The following SEM1 variants were observed in gnomAD, a reference collection of about 807,000 sequenced individuals.
The protein encoded by SEM1 is SEM1 26S proteasome subunit, also known as 26S proteasome complex subunit SEM1.
A neutral mutation model predicts 12.7 loss-of-function variants in SEM1; 3 were observed. That is an observed-to-expected ratio of 0.24 (90% confidence interval 0.11 to 0.61). SEM1 has a LOEUF of 0.61. SEM1 is among the 20% of genes least tolerant of loss of function. The pLI, the probability that SEM1 is intolerant of heterozygous loss-of-function variation, is 0.88. For synonymous variants in SEM1, 30 were observed against 27.8 expected (o/e 1.08, Z -0.25); for missense variants, 59 against 81.3 (o/e 0.73, Z 1.06).
chr7:96,547,259 A>T (rs893191542), intron 2 of SEM1, among the ~76,000 whole-genome samples: 5 of 152,150 alleles, frequency 3.3e-5, no homozygotes, highest in Admixed American at 2.6e-4. Context: ...GACATTTAGG[A>T]ATCTCTGTCA....
intron 2 of SEM1, among the ~76,000 whole-genome samples, chr7:96,586,153 A>C (rs1299440976): frequency 1.3e-5 from 2 of 152,094 alleles, no homozygotes; most frequent in African/African-American, 4.8e-5. Context: ...CTCAATTTTA[A>C]AAAGGAAGAA....
chr7:96,581,151 G>C (rs1806388334), intron 2 of SEM1, among the ~76,000 whole-genome samples: 1 of 152,116 alleles, frequency 6.6e-6, no homozygotes. Flanking sequence ...TTTTGTATAA[G>C]GTGTAAGGAA....
At chr7:96,609,853 G>A (rs1232619729) in intron 2 of SEM1, among the ~76,000 whole-genome samples, 2 of 152,134 alleles carry the variant, frequency 1.3e-5, no homozygotes, top group African/African-American at 2.4e-5. Context: ...GATGAGATGT[G>A]CAAGTATGAT....
upstream of SEM1, among the ~76,000 whole-genome samples, chr7:96,498,449 T>C (rs1195181995): frequency 6.6e-6 from 1 of 152,198 alleles, no homozygotes; most frequent in East Asian, 1.9e-4. Context: ...GATAGGTTTT[T>C]CTGAGAGTCT....
chr7:96,583,398 G>T (rs13235131), intron 2 of SEM1, among the ~76,000 whole-genome samples: 76,376 of 136,860 alleles, frequency 0.56, 23,259 homozygotes, highest in East Asian at 0.71. Context: ...CCAAGTATGT[G>T]GTCAATTTTG....
At chr7:96,490,454 T>G (rs1802961261) in intron 1 of SEM1, among the ~76,000 whole-genome samples, 2 of 152,292 alleles carry the variant, frequency 1.3e-5, no homozygotes, top group South Asian at 4.1e-4. Context: ...AACTTCCCAT[T>G]ATGAACTAGA....
At chr7:96,650,935 G>A (rs1206095254) in intron 2 of SEM1, among the ~76,000 whole-genome samples, 2 of 151,978 alleles carry the variant, frequency 1.3e-5, no homozygotes, top group African/African-American at 2.4e-5. Flanking sequence ...CCATCTGACT[G>A]TTGTCTTTGG....
chr7:96,612,169 A>G (rs990681328), intron 2 of SEM1, among the ~76,000 whole-genome samples: 2 of 152,226 alleles, frequency 1.3e-5, no homozygotes, highest in African/African-American at 2.4e-5. Context: ...GTAGCCTGTG[A>G]TGTAGACAGG....
At chr7:96,489,608 C>G (rs1410104175) in intron 1 of SEM1, among the ~76,000 whole-genome samples, 1 of 152,190 alleles carries the variant, frequency 6.6e-6, no homozygotes, top group Admixed American at 6.5e-5. Context: ...CAAATTACCT[C>G]AAACTGAGTG....
At chr7:96,654,539 C>T (rs1402746793) in intron 2 of SEM1, among the ~76,000 whole-genome samples, 1 of 152,138 alleles carries the variant, frequency 6.6e-6, no homozygotes, top group Non-Finnish European at 1.5e-5. Context: ...CAGCAGTGAG[C>T]CACAGCACCC....
chr7:96,685,628 T>C (rs1487226069), downstream of SEM1, among the ~76,000 whole-genome samples: 2 of 152,060 alleles, frequency 1.3e-5, no homozygotes, highest in Admixed American at 1.3e-4. Context: ...GGTGCTTTTC[T>C]TCATATATGA....
chr7:96,646,085 T>C (rs1405532372), intron 2 of SEM1: 2 of 394,290 alleles, frequency 5.1e-6, no homozygotes, highest in Non-Finnish European at 8.9e-6. Flanking sequence ...ACCTCTTTCC[T>C]AAGATGTACT....
At chr7:96,581,429 T>G (rs372250241) in intron 2 of SEM1, among the ~76,000 whole-genome samples, 45,209 of 149,104 alleles carry the variant, frequency 0.3, 6,880 homozygotes, top group Admixed American at 0.31. Flanking sequence ...TGTTCTTTTG[T>G]TTTAGGATTG....
chr7:96,708,706 G>C (rs914979610), intron 1 of SEM1, among the ~76,000 whole-genome samples: 1 of 152,184 alleles, frequency 6.6e-6, no homozygotes, highest in African/African-American at 2.4e-5. Flanking sequence ...AGGTTTCCCA[G>C]TTCCAGTTCT....
At chr7:96,630,299 C>A (rs953491321) in intron 2 of SEM1, among the ~76,000 whole-genome samples, 1 of 152,160 alleles carries the variant, frequency 6.6e-6, no homozygotes, top group Admixed American at 6.5e-5. Flanking sequence ...TAGAATTCTA[C>A]GTGGTATTCT....
chr7:96,541,762 AT>A (rs531945227), intron 2 of SEM1, among the ~76,000 whole-genome samples: 1 of 151,436 alleles, frequency 6.6e-6, no homozygotes, highest in Non-Finnish European at 1.5e-5. Context: ...TCTTGAGCTA[AT>A]TTTTTTATAT....
intron 1 of SEM1, among the ~76,000 whole-genome samples, chr7:96,709,061 T>C (rs1055583682): frequency 6.6e-6 from 1 of 152,136 alleles, no homozygotes; most frequent in Admixed American, 6.5e-5. Context: ...GTGATCCTCC[T>C]GCCTCTTCCT....
chr7:96,546,381 C>T (rs149927055), intron 2 of SEM1, among the ~76,000 whole-genome samples: 10 of 152,164 alleles, frequency 6.6e-5, no homozygotes, highest in African/African-American at 9.6e-5. Flanking sequence ...TGTCACATAC[C>T]TTCTTTTGCT....
At chr7:96,510,985 C>G (rs1803917543) in intron 2 of SEM1, among the ~76,000 whole-genome samples, 1 of 152,050 alleles carries the variant, frequency 6.6e-6, no homozygotes, top group Non-Finnish European at 1.5e-5. Flanking sequence ...TTCTAGAGGG[C>G]CTGGCTACCC....
Sources: gnomAD v4.1 joint callset for allele counts (sites outside exome capture counted in the v4.1 genomes callset) on GRCh38, gnomAD v4.1.1 for gene constraint, MANE v1.5 for transcripts, NCBI Gene and HGNC (gene_info 2026-07-23, HGNC 2026-07-21) for gene names.